UTRN: variants seen among roughly 807,000 people sequenced by gnomAD.
The protein encoded by UTRN is utrophin, also known as dystrophin-related protein 1.
Under a neutral mutation model 463.9 loss-of-function variants are expected in UTRN, and 283 were observed. The observed-to-expected ratio is 0.61, with a 90% CI of 0.55 to 0.67. The LOEUF (loss-of-function observed/expected upper bound fraction) is 0.67, where lower values mean the gene tolerates loss of function less well. UTRN is among the 30% of genes least tolerant of loss of function. The pLI is 0.00. For synonymous variants in UTRN, 1,442 were observed against 1,431.5 expected (o/e 1.01, Z -0.17); for missense variants, 3,922 against 4,084.3 (o/e 0.96, Z 1.08).
At chr6:144,705,601 C>T (rs1208041230) in intron 53 of UTRN, among the ~76,000 whole-genome samples, 1 of 152,132 alleles carries the variant, frequency 6.6e-6, no homozygotes, top group African/African-American at 2.4e-5. Context: ...CCCTAATCAC[C>T]TTCCAAAGAC....
intron 9 of UTRN, among the ~76,000 whole-genome samples, chr6:144,435,666 A>AT (rs1584775769): frequency 6.6e-6 from 1 of 152,150 alleles, no homozygotes; most frequent in African/African-American, 2.4e-5. Flanking sequence ...TTCAGAAGTG[A>AT]TTCATGTGGG....
intron 58 of UTRN, among the ~76,000 whole-genome samples, chr6:144,768,948 G>GTTTTTTGTTT (rs35525101): frequency 1.6e-5 from 2 of 126,034 alleles, no homozygotes; most frequent in Admixed American, 8.6e-5. Flanking sequence ...TTTGTTTTTT[G>GTTTTTTGTTT]TTTTGTTTTG....
At chr6:144,367,303 A>G (rs1395463586) in intron 2 of UTRN, among the ~76,000 whole-genome samples, 1 of 148,876 alleles carries the variant, frequency 6.7e-6, no homozygotes, top group South Asian at 2.1e-4. Flanking sequence ...TGCGTTTTTA[A>G]TAAAGGATTA....
chr6:144,794,365 G>A lies in UTRN; in HGVS notation c.9078+374G>A, dbSNP rs144127671. On this transcript the variant is annotated intron_variant, in intron 63 of 74. Coordinates refer to ENST00000367545, the MANE Select transcript of UTRN (RefSeq NM_007124.3). ...TTGGACCTGTGTCTGCTGTTTAGAC[G>A]TTCTTCCTTCCCCATTGCCCACTAC... 4.5e-3 allele frequency among the ~76,000 whole-genome samples: 680 copies of A among 152,070 alleles called. 1 individual carries two copies. The highest frequency in any genetic ancestry group is 0.013 in the African/African-American group (552 of 41,488).
intron 73 of UTRN, among the ~76,000 whole-genome samples, chr6:144,841,899 C>T (rs1781605545): frequency 6.6e-6 from 1 of 152,004 alleles, no homozygotes; most frequent in East Asian, 1.9e-4. Flanking sequence ...ATCATGAGAT[C>T]AGGAGTTCGA....
At chr6:144,525,305 C>G (rs1231558571) in intron 41 of UTRN, among the ~76,000 whole-genome samples, 5 of 152,168 alleles carry the variant, frequency 3.3e-5, no homozygotes, top group Middle Eastern at 3.4e-3. Context: ...GCTCTGAACC[C>G]ATCGGGTCCT....
chr6:144,312,493 T>A (rs894247578), intron 2 of UTRN, among the ~76,000 whole-genome samples: 1 of 151,654 alleles, frequency 6.6e-6, no homozygotes, highest in African/African-American at 2.4e-5. Flanking sequence ...TCCATACAAA[T>A]AATTATTATA....
intron 2 of UTRN, chr6:144,344,433 C>T: frequency 1.8e-6 from 2 of 1,094,554 alleles, no homozygotes; most frequent in East Asian, 6.0e-5. Context: ...CGGGAACAGA[C>T]AGCCTGTCTT....
chr6:144,400,633 T>G (rs1782860032), intron 2 of UTRN, among the ~76,000 whole-genome samples: 1 of 152,170 alleles, frequency 6.6e-6, no homozygotes. Context: ...TGTGTGTGTC[T>G]GAAAAAAGGA....
At chr6:144,677,132 A>T (rs1781699712) in intron 51 of UTRN, among the ~76,000 whole-genome samples, 1 of 152,170 alleles carries the variant, frequency 6.6e-6, no homozygotes, top group Non-Finnish European at 1.5e-5. Flanking sequence ...AAGTTCTGGG[A>T]TACATGTGCT....
intron 3 of UTRN, among the ~76,000 whole-genome samples, chr6:144,411,023 A>G (rs1291311538): frequency 4.6e-5 from 7 of 152,180 alleles, no homozygotes; most frequent in Non-Finnish European, 5.9e-5. Flanking sequence ...TTGTGCTGCT[A>G]TAAACATGAG....
chr6:144,429,631 T>C lies in UTRN; in HGVS notation c.745T>C (p.Ser249Pro). ...GAAATCCATAATTATGTATTTAACATCTTTGTTTGAGGTGCTACCTCAGCA... is the reference window on the plus strand; with the variant it reads ...GAAATCCATAATTATGTATTTAACACCTTTGTTTGAGGTGCTACCTCAGCA... ...DKKSIIMYLTSLFEVLPQQVT... is the reference protein window; with the variant it reads ...DKKSIIMYLTPLFEVLPQQVT... Residue 249 changes from serine to proline, a missense_variant, in exon 9 of 75, where the codon TCT becomes CCT. Coordinates refer to ENST00000367545, the MANE Select transcript of UTRN (RefSeq NM_007124.3). 6.2e-7 allele frequency: 1 copy of C among 1,612,710 alleles called. No individual in the cohort carries two copies. The highest frequency in any genetic ancestry group is 8.5e-7 in the Non-Finnish European group (1 of 1,179,346).
chr6:144,674,829 G>A lies in UTRN; in HGVS notation c.7480-3577G>A, dbSNP rs547536858. 1.1e-4 allele frequency among the ~76,000 whole-genome samples: 16 copies of A among 152,256 alleles called. No homozygotes were observed. The South Asian group carries it at 3.1e-3, about 30-fold the overall frequency. ...CTGCCTTGGCCTCCCAAAGTACTGG[G>A]ATTACTGGCATGAGCCACCACACCT... On this transcript the variant is annotated intron_variant, in intron 51 of 74. Transcript: ENST00000367545.
intron 22 of UTRN, among the ~76,000 whole-genome samples, chr6:144,462,064 C>T (rs951331167): frequency 6.6e-6 from 1 of 152,094 alleles, no homozygotes; most frequent in Admixed American, 6.6e-5. Context: ...TCCCACCATG[C>T]CCCACCCTCC....
chr6:144,607,724 A>AT (rs1479609786), intron 51 of UTRN, among the ~76,000 whole-genome samples: 1 of 152,082 alleles, frequency 6.6e-6, no homozygotes, highest in African/African-American at 2.4e-5. Context: ...ACTACAGTAC[A>AT]TTTTTTCATT....
intron 51 of UTRN, among the ~76,000 whole-genome samples, chr6:144,642,753 T>TA (rs1465376530): frequency 2.0e-5 from 3 of 152,186 alleles, no homozygotes; most frequent in Admixed American, 6.5e-5. Flanking sequence ...TTTGACTATA[T>TA]AGTCTTCCCT....
intron 51 of UTRN, among the ~76,000 whole-genome samples, chr6:144,616,744 A>C (rs775132856): frequency 2.0e-5 from 3 of 152,002 alleles, no homozygotes; most frequent in Admixed American, 6.6e-5. Flanking sequence ...AGTCTCCCCA[A>C]ATCTTATGCC....
chr6:144,795,674 G>C (rs1227250449), intron 63 of UTRN, among the ~76,000 whole-genome samples: 1 of 152,128 alleles, frequency 6.6e-6, no homozygotes, highest in Admixed American at 6.5e-5. Context: ...GTCTTCTTTT[G>C]TGAAGTGTCT....
At chr6:144,827,453 T>C in intron 67 of UTRN, 67 bp downstream of exon 67, 2 of 1,608,534 alleles carry the variant, frequency 1.2e-6, no homozygotes, top group Middle Eastern at 1.7e-4. Flanking sequence ...GGGGTCTTAC[T>C]AAACTCTTGG....
Sources: allele counts gnomAD v4.1 joint callset (sites outside exome capture counted in the v4.1 genomes callset), GRCh38; gene constraint gnomAD v4.1.1; transcripts MANE v1.5; gene names NCBI Gene and HGNC (gene_info 2026-07-23, HGNC 2026-07-21).